The following GOLM1 variants were observed in gnomAD, a reference collection of about 807,000 sequenced individuals.
GOLM1 encodes the protein golgi membrane protein 1, also known as epididymis luminal protein 46.
A neutral mutation model predicts 50.5 loss-of-function variants in GOLM1; 31 were observed. The ratio of observed to expected loss-of-function variants is 0.61; its 90% CI spans 0.46 to 0.83. The LOEUF is 0.83. Ranked by LOEUF, GOLM1 falls within the 40% of genes least tolerant of loss-of-function variation. The pLI is 0.00. For synonymous variants in GOLM1, 178 were observed against 192.8 expected (o/e 0.92, Z 0.64); for missense variants, 491 against 501.3 (o/e 0.98, Z 0.20).
intron 1 of GOLM1, among the ~76,000 whole-genome samples, chr9:86,095,023 C>T (rs1300246558): frequency 1.3e-5 from 2 of 149,638 alleles, no homozygotes; most frequent in African/African-American, 4.9e-5. Context: ...GCGGAGTTTT[C>T]GGTGAGCCGA....
chr9:86,037,313 G>T (rs1833177190), intron 6 of GOLM1, among the ~76,000 whole-genome samples: 1 of 152,012 alleles, frequency 6.6e-6, no homozygotes, highest in Admixed American at 6.6e-5. Flanking sequence ...TACTTGGGAG[G>T]TGAGGCAAGG....
chr9:86,073,906 C>A (rs1834529228), intron 3 of GOLM1, among the ~76,000 whole-genome samples: 1 of 152,200 alleles, frequency 6.6e-6, no homozygotes, highest in Non-Finnish European at 1.5e-5. Flanking sequence ...AAAATTCTAT[C>A]AGACAGGGCC....
At chr9:86,090,379 G>A (rs1304936432) in intron 1 of GOLM1, among the ~76,000 whole-genome samples, 1 of 152,168 alleles carries the variant, frequency 6.6e-6, no homozygotes, top group African/African-American at 2.4e-5. Context: ...CTGTCCCAGG[G>A]AGCTGGGAGT....
chr9:86,065,324 A>C (rs1834277571), intron 3 of GOLM1, among the ~76,000 whole-genome samples: 1 of 152,236 alleles, frequency 6.6e-6, no homozygotes, highest in Non-Finnish European at 1.5e-5. Context: ...AACAGAACAA[A>C]TACTGAACGG....
chr9:86,028,668 A>C (rs549430385), intron 9 of GOLM1, among the ~76,000 whole-genome samples: 56 of 151,744 alleles, frequency 3.7e-4, no homozygotes, highest in African/African-American at 1.4e-3. Flanking sequence ...TGCAACACAC[A>C]CCCAGTGGGG....
At chr9:86,038,323 G>A (rs1286735954) in intron 6 of GOLM1, among the ~76,000 whole-genome samples, 1 of 151,808 alleles carries the variant, frequency 6.6e-6, no homozygotes, top group Non-Finnish European at 1.5e-5. Flanking sequence ...GCAGTGTGGC[G>A]GGGAAAGGAA....
rs1284225244 is a variant in GOLM1 at position 86,027,779 on chromosome 9, C to A, written c.*38G>T. 1 of 1,605,464 alleles carries A rather than the reference C, an allele frequency of 6.2e-7. No homozygotes were observed. The highest frequency in any genetic ancestry group is 8.5e-7 in the Non-Finnish European group (1 of 1,175,846). ...CCTCATGAACATTTTATAGTCATCT[C>A]TTCGGCCCTGTTGTGAAATATGTGA... On this transcript the variant is annotated 3_prime_UTR_variant, in exon 10 of 10. Coordinates refer to ENST00000388712, the MANE Select transcript of GOLM1 (RefSeq NM_016548.4).
At chr9:86,062,483 G>A (rs1296953645) in intron 3 of GOLM1, among the ~76,000 whole-genome samples, 1 of 151,566 alleles carries the variant, frequency 6.6e-6, no homozygotes, top group Non-Finnish European at 1.5e-5. Context: ...AGGGAGGACG[G>A]GGGAGGAGGG....
intron 2 of GOLM1, 101 bp downstream of exon 2, chr9:86,079,091 G>A (rs541067939): frequency 9.0e-5 from 98 of 1,088,294 alleles, no homozygotes; most frequent in Admixed American, 6.1e-4. Flanking sequence ...TGCACAAAAC[G>A]CCCTGGCTGG....
At position 86,027,287 on chromosome 9, in the gene GOLM1, A is replaced by G; in HGVS notation, c.*530T>C. On this transcript the variant is annotated 3_prime_UTR_variant, in exon 10 of 10. Transcript: ENST00000388712. Reference sequence around the variant, plus strand: ...CTTTGCTAGTGACGTTTGTGTTAACAGTCAGTGCTCTAGGCCATTGATTGA... The same window carrying G: ...CTTTGCTAGTGACGTTTGTGTTAACGGTCAGTGCTCTAGGCCATTGATTGA... The G allele has an allele frequency of 2.0e-6, 2 of 984,010 alleles. No individual in the cohort carries two copies. Among genetic ancestry groups the G allele is most frequent in the Non-Finnish European group, 2.4e-6 (2 of 829,168 alleles). 61.0% of individuals were successfully genotyped at this position (984,010 alleles called of 1,614,324 possible). A position where few individuals can be genotyped will look rare whatever the true frequency, so the allele number is the denominator to read the frequency against.
At chr9:86,046,666 C>A in intron 4 of GOLM1, 94 bp from the exon 5 acceptor site, 1 of 756,550 alleles carries the variant, frequency 1.3e-6, no homozygotes, top group Non-Finnish European at 2.4e-6. Context: ...CACATCAGAC[C>A]ATAAAGGGCA....
intron 1 of GOLM1, among the ~76,000 whole-genome samples, chr9:86,088,420 G>GTA (rs71505775): frequency 0.035 from 2,971 of 85,976 alleles, 69 homozygotes; most frequent in African/African-American, 0.049. Flanking sequence ...TTTGAAGGGT[G>GTA]TATATATATA....
chr9:86,077,792 G>A (rs1834664245), intron 2 of GOLM1: 1 of 551,222 alleles, frequency 1.8e-6, no homozygotes, highest in African/African-American at 1.9e-5. Flanking sequence ...GTCAGTGTAA[G>A]TGAAGGAAGG....
At position 86,026,224 on chromosome 9, in the gene GOLM1, G is replaced by GAAAGC; in HGVS notation, c.*1588_*1592dup. ...ATGAGATGAATAGAGACTTTATTGA[G>GAAAGC]AAAGCAAGAGAAAATTCCTATCAAC... On this transcript the variant is annotated 3_prime_UTR_variant, in exon 10 of 10. Transcript: ENST00000388712. 1 of 982,852 alleles carries GAAAGC rather than the reference G, an allele frequency of 1.0e-6. No homozygotes were observed. The allele number at this position is 982,852 out of a possible 1,614,324, so 60.9% of individuals were successfully genotyped here. A position where few individuals can be genotyped will look rare whatever the true frequency, so the allele number is the denominator to read the frequency against.
chr9:86,043,179 C>T lies in GOLM1; in HGVS notation c.468-2311G>A, dbSNP rs7020223. On this transcript the variant is annotated intron_variant, in intron 5 of 9. Coordinates refer to ENST00000388712, the MANE Select transcript of GOLM1 (RefSeq NM_016548.4). Reference sequence around the variant, plus strand: ...TCCTCATAGCAGGGAGATGAGATGGCGAGCGGTTCATCTCATGTGCTGACT... The same window carrying T: ...TCCTCATAGCAGGGAGATGAGATGGTGAGCGGTTCATCTCATGTGCTGACT... 4.9e-3 allele frequency among the ~76,000 whole-genome samples: 751 copies of T among 152,228 alleles called. 4 individuals are homozygous for T. Among genetic ancestry groups the T allele is most frequent in the African/African-American group, 0.017 (717 of 41,526 alleles).
chr9:86,063,446 A>C (rs894594327), intron 3 of GOLM1, among the ~76,000 whole-genome samples: 2 of 152,204 alleles, frequency 1.3e-5, no homozygotes, highest in African/African-American at 4.8e-5. Flanking sequence ...ACAGGTAAAA[A>C]GGCGTACACA....
intron 9 of GOLM1, among the ~76,000 whole-genome samples, chr9:86,032,199 C>T (rs1587692783): frequency 6.6e-6 from 1 of 152,120 alleles, no homozygotes; most frequent in Non-Finnish European, 1.5e-5. Flanking sequence ...TGGATTTTCA[C>T]TCTTGTTGCC....
intron 1 of GOLM1, among the ~76,000 whole-genome samples, chr9:86,082,643 G>C (rs7037065): frequency 0.03 from 4,511 of 151,762 alleles, 226 homozygotes; most frequent in African/African-American, 0.1. Flanking sequence ...GTCTCACTAT[G>C]TTGCTCAAGC....
intron 6 of GOLM1, among the ~76,000 whole-genome samples, chr9:86,037,379 A>G (rs1352364094): frequency 2.0e-5 from 3 of 150,092 alleles, no homozygotes; most frequent in Non-Finnish European, 4.4e-5. Context: ...TGGAGGTTGC[A>G]GTGAGCCAAG....
Sources: gnomAD v4.1 joint callset for allele counts (sites outside exome capture counted in the v4.1 genomes callset) on GRCh38, gnomAD v4.1.1 for gene constraint, MANE v1.5 for transcripts, NCBI Gene and HGNC (gene_info 2026-07-23, HGNC 2026-07-21) for gene names.